The following SPOCK3 variants were observed in gnomAD, a reference collection of about 807,000 sequenced individuals.
The protein encoded by SPOCK3 is SPARC (osteonectin), cwcv and kazal like domains proteoglycan 3, also known as testican-3.
Under a neutral mutation model 56.6 loss-of-function variants are expected in SPOCK3, and 30 were observed. That is an observed-to-expected ratio of 0.53 (90% CI 0.40 to 0.72). SPOCK3 has a LOEUF of 0.72. SPOCK3 is among the 30% of genes least tolerant of loss of function. The pLI is 0.00. For missense variants in SPOCK3, 527 were observed against 530.0 expected, an observed-to-expected ratio of 0.99 and a Z score of 0.06; for synonymous variants, 196 against 183.3, an observed-to-expected ratio of 1.07 and a Z score of -0.56.
intron 2 of SPOCK3, among the ~76,000 whole-genome samples, chr4:167,180,422 G>A (rs1731355093): frequency 6.6e-6 from 1 of 152,204 alleles, no homozygotes; most frequent in African/African-American, 2.4e-5. Context: ...GTGAGCAGCA[G>A]CCTGAGAGTG....
At chr4:166,917,403 T>A (rs1316157306) in intron 4 of SPOCK3, among the ~76,000 whole-genome samples, 2 of 151,968 alleles carry the variant, frequency 1.3e-5, no homozygotes, top group Non-Finnish European at 2.9e-5. Context: ...TAAATTGTAA[T>A]CCCCACGTGT....
At chr4:167,031,538 G>A (rs1752273444) in intron 3 of SPOCK3, among the ~76,000 whole-genome samples, 1 of 151,994 alleles carries the variant, frequency 6.6e-6, no homozygotes, top group Non-Finnish European at 1.5e-5. Flanking sequence ...ACTGTTAAGT[G>A]AACAGGGCAG....
chr4:166,917,777 T>C (rs528900565), intron 4 of SPOCK3, among the ~76,000 whole-genome samples: 20 of 152,238 alleles, frequency 1.3e-4, no homozygotes, highest in African/African-American at 2.9e-4. Flanking sequence ...GAGGCCTCCC[T>C]AGCCATGTGA....
chr4:167,017,910 G>A (rs1013176672), intron 3 of SPOCK3, among the ~76,000 whole-genome samples: 20 of 151,896 alleles, frequency 1.3e-4, no homozygotes, highest in African/African-American at 4.4e-4. Flanking sequence ...TGATTAGATT[G>A]AATTATTTTA....
chr4:167,077,638 C>T (rs2150282171), intron 2 of SPOCK3, among the ~76,000 whole-genome samples: 1 of 151,910 alleles, frequency 6.6e-6, no homozygotes, highest in Non-Finnish European at 1.5e-5. Context: ...CTAATGTGGC[C>T]CAATACTAAT....
rs571044703 is a variant in SPOCK3 at position 166,954,212 on chromosome 4, T to A, written c.351-41469A>T. 2.0e-4 allele frequency among the ~76,000 whole-genome samples: 30 copies of A among 152,338 alleles called. No homozygotes were observed. The South Asian group carries it at 4.3e-3, about 22-fold the overall frequency. Reference sequence around the variant, plus strand: ...AACATTTTTGTATGTTAACCCCTTATCAGTTATATAGTTTGCAAATATATT... The same window carrying A: ...AACATTTTTGTATGTTAACCCCTTAACAGTTATATAGTTTGCAAATATATT... On this transcript the variant is annotated intron_variant, in intron 4 of 10. Coordinates refer to ENST00000357545, the MANE Select transcript of SPOCK3 (RefSeq NM_001040159.2).
chr4:166,945,508 C>T (rs1741617270), intron 4 of SPOCK3, among the ~76,000 whole-genome samples: 2 of 152,076 alleles, frequency 1.3e-5, no homozygotes, highest in Non-Finnish European at 2.9e-5. Flanking sequence ...TAATCAGTTT[C>T]CCATATAGAT....
chr4:166,817,017 A>C (rs933113749), intron 6 of SPOCK3, among the ~76,000 whole-genome samples: 1 of 152,042 alleles, frequency 6.6e-6, no homozygotes, highest in Non-Finnish European at 1.5e-5. Context: ...CAGTAGCCTG[A>C]CATCGTTTTA....
intron 4 of SPOCK3, among the ~76,000 whole-genome samples, chr4:166,944,692 T>C (rs1392031600): frequency 1.3e-5 from 2 of 152,078 alleles, no homozygotes; most frequent in Admixed American, 1.3e-4. Context: ...TCACAGAAAT[T>C]ACATATTATT....
chr4:167,066,686 T>C (rs1023348220), intron 2 of SPOCK3, among the ~76,000 whole-genome samples: 1 of 151,928 alleles, frequency 6.6e-6, no homozygotes, highest in Non-Finnish European at 1.5e-5. Context: ...TTTATATAAC[T>C]ATGCTGTCAT....
chr4:167,220,329 G>T, intron 2 of SPOCK3, among the ~76,000 whole-genome samples: 1 of 151,274 alleles, frequency 6.6e-6, no homozygotes, highest in Non-Finnish European at 1.5e-5. Context: ...TTAAAAAACA[G>T]CTTCTGAAGA....
chr4:166,791,856 T>C (rs1741398224), intron 7 of SPOCK3, among the ~76,000 whole-genome samples: 2 of 152,170 alleles, frequency 1.3e-5, no homozygotes, highest in Admixed American at 1.3e-4. Context: ...TCCAATTTTT[T>C]ACCTTTACTT....
chr4:166,875,446 C>G (rs1398334204), intron 6 of SPOCK3, among the ~76,000 whole-genome samples: 1 of 151,968 alleles, frequency 6.6e-6, no homozygotes, highest in African/African-American at 2.4e-5. Context: ...GACAAATGAT[C>G]AAAGCGTTCA....
At chr4:167,202,412 A>T (rs1485182605) in intron 2 of SPOCK3, among the ~76,000 whole-genome samples, 1 of 151,998 alleles carries the variant, frequency 6.6e-6, no homozygotes, top group East Asian at 1.9e-4. Flanking sequence ...AGTTTATGCA[A>T]AGTGTATAAA....
intron 6 of SPOCK3, among the ~76,000 whole-genome samples, chr4:166,814,103 A>G (rs190364356): frequency 6.6e-6 from 1 of 152,232 alleles, no homozygotes; most frequent in East Asian, 1.9e-4. Context: ...AAGAACCCTG[A>G]AAATCTTCAC....
chr4:166,898,252 G>A (rs1274373228), intron 5 of SPOCK3, among the ~76,000 whole-genome samples: 1 of 152,104 alleles, frequency 6.6e-6, no homozygotes, highest in African/African-American at 2.4e-5. Context: ...GGCTCAAACT[G>A]TTCCAATGGT....
intron 4 of SPOCK3, among the ~76,000 whole-genome samples, chr4:166,967,928 A>G (rs1379138844): frequency 1.3e-5 from 2 of 152,162 alleles, no homozygotes; most frequent in Non-Finnish European, 2.9e-5. Context: ...TGAAGTCCAG[A>G]CTGAGGTGGT....
intron 6 of SPOCK3, among the ~76,000 whole-genome samples, chr4:166,811,660 T>C (rs1333074367): frequency 1.3e-5 from 2 of 151,858 alleles, no homozygotes; most frequent in Non-Finnish European, 2.9e-5. Context: ...TTGCTAAATT[T>C]AGTAATATGG....
intron 4 of SPOCK3, among the ~76,000 whole-genome samples, chr4:166,983,920 CT>C (rs1746860236): frequency 6.6e-6 from 1 of 151,956 alleles, no homozygotes; most frequent in Non-Finnish European, 1.5e-5. Flanking sequence ...AGTTGAAAAT[CT>C]TTTTCCTATT....
Sources: gnomAD v4.1 joint callset for allele counts (sites outside exome capture counted in the v4.1 genomes callset) on GRCh38, gnomAD v4.1.1 for gene constraint, MANE v1.5 for transcripts, NCBI Gene and HGNC (gene_info 2026-07-23, HGNC 2026-07-21) for gene names.